INPP5D: variants seen among roughly 807,000 people sequenced by gnomAD.
INPP5D encodes the protein inositol polyphosphate-5-phosphatase D, also known as phosphatidylinositol 3,4,5-trisphosphate 5-phosphatase 1.
A neutral mutation model predicts 122.9 loss-of-function variants in INPP5D; 33 were observed. The ratio of observed to expected loss-of-function variants is 0.27; its 90% CI spans 0.20 to 0.36. The LOEUF is 0.36. Among genes scored for constraint, INPP5D ranks in the 10% least tolerant of loss-of-function variants. INPP5D has a pLI of 1.00. For synonymous variants in INPP5D, 584 were observed against 576.2 expected, an observed-to-expected ratio of 1.01 and a Z score of -0.19; for missense variants, 1,053 against 1,412.7, an observed-to-expected ratio of 0.75 and a Z score of 4.08.
chr2:233,159,693 C>CAAAAAAAAAA (rs548439384), intron 10 of INPP5D, among the ~76,000 whole-genome samples: 1 of 92,006 alleles, frequency 1.1e-5, no homozygotes, highest in East Asian at 3.3e-4. Flanking sequence ...GATCCTGTCT[C>CAAAAAAAAAA]AAAAAAAAAA....
Position 233,160,191 on chromosome 2 carries a change from C to G in INPP5D, c.1138-1533C>G, listed in dbSNP as rs1012298736. 2.0e-5 allele frequency among the ~76,000 whole-genome samples: 3 copies of G among 152,148 alleles called. No homozygotes were observed. The highest frequency in any genetic ancestry group is 2.9e-5 in the Non-Finnish European group (2 of 68,012). On this transcript the variant is annotated intron_variant, in intron 10 of 26. Coordinates refer to ENST00000445964, the MANE Select transcript of INPP5D (RefSeq NM_001017915.3). This position sits in a 1 kb window ranked among gnomAD's most constrained non-coding sequence, Gnocchi z 4.2. Reference sequence around the variant, plus strand: ...AGCTGGTGTCTTCAGGGAGGACTTACTGAGATTTGCAATTATAAGGTTGAA... The same window carrying G: ...AGCTGGTGTCTTCAGGGAGGACTTAGTGAGATTTGCAATTATAAGGTTGAA...
In INPP5D at chr2:233,128,596, G is replaced by A. The variant is rs1177301737; in HGVS notation, c.525-1912G>A. Among the ~76,000 whole-genome samples the A allele has an allele frequency of 6.6e-6, 1 of 152,140 alleles. No individual in the cohort carries two copies. Among genetic ancestry groups the A allele is most frequent in the Non-Finnish European group, 1.5e-5 (1 of 68,014 alleles). ...GGGTTCAAGCAATCCTCCCGCCTCA[G>A]CCTCCTGAGTAGCTGGGACTACAAA... On this transcript the variant is annotated intron_variant, in intron 4 of 26. Coordinates refer to ENST00000445964, the MANE Select transcript of INPP5D (RefSeq NM_001017915.3). This position sits in a 1 kb window ranked among gnomAD's most constrained non-coding sequence, Gnocchi z 4.5.
chr2:233,075,876 C>G (rs900061790), intron 1 of INPP5D, among the ~76,000 whole-genome samples: 4 of 152,170 alleles, frequency 2.6e-5, no homozygotes, highest in Non-Finnish European at 5.9e-5. Flanking sequence ...TCATTAACAT[C>G]TGCTGAGATG....
rs541400077 is a variant in INPP5D, at chr2:233,190,348, C to G, written c.2446+411C>G. Among the ~76,000 whole-genome samples the G allele has an allele frequency of 7.2e-5, 11 of 152,312 alleles. No individual in the cohort carries two copies. In the South Asian group the frequency reaches 2.3e-3, roughly 32 times the overall value. ...GGCCTGCCTGCCCTTCTCTGCTTCT[C>G]AAGTGTCCTGAGTCAGCCTTCTCAG... On this transcript the variant is annotated intron_variant, in intron 22 of 26. Transcript: ENST00000445964.
chr2:233,083,659 C>T (rs1691751707), intron 2 of INPP5D, among the ~76,000 whole-genome samples: 1 of 152,208 alleles, frequency 6.6e-6, no homozygotes, highest in African/African-American at 2.4e-5. Context: ...TCGCTGCAGA[C>T]TGAGCTGGGA....
chr2:233,066,992 G>C (rs1032473494), intron 1 of INPP5D, among the ~76,000 whole-genome samples: 2 of 152,228 alleles, frequency 1.3e-5, no homozygotes, highest in Middle Eastern at 3.4e-3. Context: ...TGGCTAGGCT[G>C]GTCCCGAACT....
chr2:233,148,894 A>G (rs1693847258), intron 9 of INPP5D, among the ~76,000 whole-genome samples: 1 of 152,160 alleles, frequency 6.6e-6, no homozygotes, highest in South Asian at 2.1e-4. Flanking sequence ...TTTAGAGGGC[A>G]TGGTTAAGGT....
intron 2 of INPP5D, among the ~76,000 whole-genome samples, chr2:233,096,922 G>A (rs534909146): frequency 7.2e-5 from 11 of 152,026 alleles, no homozygotes; most frequent in African/African-American, 2.4e-4. Context: ...TTTCATTTAC[G>A]GATTCTGAGT....
Position 233,089,654 on chromosome 2 carries a change from G to A in INPP5D, c.198+10256G>A, listed in dbSNP as rs781359682. Among the ~76,000 whole-genome samples the A allele has an allele frequency of 5.3e-5, 8 of 152,210 alleles. No homozygotes were observed. In the East Asian group the frequency reaches 1.2e-3, roughly 22 times the overall value. On this transcript the variant is annotated intron_variant, in intron 2 of 26. Coordinates refer to ENST00000445964, the MANE Select transcript of INPP5D (RefSeq NM_001017915.3). ...GCCAAGTCCAGTGAGCGTTATAGCC[G>A]TATGTCCTGACTATATTCCTTGAGG...
intron 2 of INPP5D, among the ~76,000 whole-genome samples, chr2:233,114,307 C>A (rs1270110981): frequency 6.6e-6 from 1 of 152,206 alleles, no homozygotes; most frequent in African/African-American, 2.4e-5. Context: ...CTTCTTCACC[C>A]ACGTGGGGCC....
intron 3 of INPP5D, among the ~76,000 whole-genome samples, chr2:233,125,033 A>G (rs1396603674): frequency 6.6e-6 from 1 of 152,258 alleles, no homozygotes; most frequent in Non-Finnish European, 1.5e-5. Flanking sequence ...GTTGGGCCAG[A>G]GGCAGCCGCT....
At chr2:233,104,602 T>C (rs1692414006) in intron 2 of INPP5D, among the ~76,000 whole-genome samples, 1 of 151,768 alleles carries the variant, frequency 6.6e-6, no homozygotes, top group African/African-American at 2.4e-5. Context: ...TGGGCCATGG[T>C]TGGGGAGGAA....
intron 5 of INPP5D, chr2:233,134,039 G>A: frequency 2.2e-6 from 1 of 456,198 alleles, no homozygotes; most frequent in South Asian, 1.6e-5. Flanking sequence ...TGTCAGATTT[G>A]CCGCTTGATT....
intron 13 of INPP5D, among the ~76,000 whole-genome samples, chr2:233,166,019 G>A (rs959927771): frequency 7.2e-5 from 11 of 152,208 alleles, no homozygotes; most frequent in Admixed American, 6.5e-4. Flanking sequence ...TGCTGCAATC[G>A]AACGTGCAAA....
chr2:233,135,941 ACT>A (rs939206673), intron 5 of INPP5D, among the ~76,000 whole-genome samples: 3 of 152,252 alleles, frequency 2.0e-5, no homozygotes, highest in African/African-American at 7.2e-5. Flanking sequence ...CCCATAACAC[ACT>A]GTGATGAAAA....
chr2:233,199,173 G>A lies in INPP5D; in HGVS notation c.2975+797G>A, dbSNP rs182073374. Among the ~76,000 whole-genome samples the A allele has an allele frequency of 2.0e-5, 3 of 152,120 alleles. No homozygotes were observed. In the East Asian group the frequency reaches 5.8e-4, roughly 29 times the overall value. The stretch of plus-strand genomic sequence containing the variant: ...GAATCGCTTGAGCCCAGGAGGCAGA[G>A]GTTGCAGTGAGCCAAGATTGCACCA... On this transcript the variant is annotated intron_variant, in intron 25 of 26. Coordinates refer to ENST00000445964, the MANE Select transcript of INPP5D (RefSeq NM_001017915.3).
intron 18 of INPP5D, among the ~76,000 whole-genome samples, chr2:233,178,818 A>T (rs979833503): frequency 1.3e-5 from 2 of 152,138 alleles, no homozygotes; most frequent in African/African-American, 4.8e-5. Flanking sequence ...GCGAATTCCC[A>T]CACAATGGCC....
At chr2:233,115,263 G>A (rs542188587) in intron 2 of INPP5D, among the ~76,000 whole-genome samples, 2 of 152,180 alleles carry the variant, frequency 1.3e-5, no homozygotes, top group Admixed American at 6.5e-5. Flanking sequence ...AGAGCCTTGT[G>A]GGGGGTTCCT....
At chr2:233,175,437 A>C (rs575058073) in intron 17 of INPP5D, among the ~76,000 whole-genome samples, 6 of 152,160 alleles carry the variant, frequency 3.9e-5, no homozygotes, top group African/African-American at 1.2e-4. Context: ...TAATCAATGG[A>C]GATGTTAGTC....
Sources: gnomAD v4.1 joint callset for allele counts (sites outside exome capture counted in the v4.1 genomes callset) on GRCh38, gnomAD v4.1.1 for gene constraint, Gnocchi (gnomAD v3.1) non-coding constraint, MANE v1.5 for transcripts, NCBI Gene and HGNC (gene_info 2026-07-23, HGNC 2026-07-21) for gene names.